The following MACROD1 variants were observed in gnomAD, a reference collection of about 807,000 sequenced individuals.
MACROD1 encodes the protein ADP-ribose glycohydrolase MACROD1.
A neutral mutation model predicts 41.4 loss-of-function variants in MACROD1; 31 were observed. The ratio of observed to expected loss-of-function variants is 0.75; its 90% CI spans 0.56 to 1.01. The LOEUF (loss-of-function observed/expected upper bound fraction) is 1.01. Among genes scored for constraint, MACROD1 ranks in the 50% least tolerant of loss-of-function variants. MACROD1 has a pLI of 0.00. For missense variants in MACROD1, 473 were observed against 460.0 expected, an observed-to-expected ratio of 1.03 and a Z score of -0.26; for synonymous variants, 252 against 203.4, an observed-to-expected ratio of 1.24 and a Z score of -2.03.
At chr11:64,100,135 C>T (rs953636664) in intron 3 of MACROD1, among the ~76,000 whole-genome samples, 1 of 152,184 alleles carries the variant, frequency 6.6e-6, no homozygotes, top group Non-Finnish European at 1.5e-5. Context: ...TCCTCCCTGA[C>T]CTGCTAGCCA....
At chr11:64,060,475 C>T (rs1357908689) in intron 3 of MACROD1, 1 of 152,204 alleles carries the variant, frequency 6.6e-6, no homozygotes, top group Non-Finnish European at 1.5e-5. Flanking sequence ...GGGCTGCCCG[C>T]GACTCCAGGC....
rs565674777 is a variant in MACROD1 at position 64,077,965 on chromosome 11, GGCCTCCTTTCCCCT to G, written c.518-62698_518-62685del. Among the ~76,000 whole-genome samples the G allele has an allele frequency of 6.4e-3, 971 of 152,304 alleles. 11 individuals are homozygous for G. Among genetic ancestry groups the G allele is most frequent in the African/African-American group, 0.023 (937 of 41,568 alleles). On this transcript the variant is annotated intron_variant, in intron 3 of 10. Coordinates refer to ENST00000255681, the MANE Select transcript of MACROD1 (RefSeq NM_014067.4). Reference sequence around the variant, plus strand: ...GCCCTGATGGGCCCGTGCTCAGCCTGGCCTCCTTTCCCCTGCCTCCTCCTCAGCGGGGGTCCCAG... The same window carrying G: ...GCCCTGATGGGCCCGTGCTCAGCCTGGCCTCCTCCTCAGCGGGGGTCCCAG...
chr11:64,028,258 A>G (rs1374671871), intron 3 of MACROD1, among the ~76,000 whole-genome samples: 1 of 152,142 alleles, frequency 6.6e-6, no homozygotes, highest in African/African-American at 2.4e-5. Context: ...GAGGGTCTGG[A>G]GCCGAGGGGG....
At chr11:64,139,498 G>T (rs1437417004) in intron 3 of MACROD1, among the ~76,000 whole-genome samples, 1 of 152,182 alleles carries the variant, frequency 6.6e-6, no homozygotes, top group Non-Finnish European at 1.5e-5. Context: ...AGAGTCCATG[G>T]AGCTGCCCCT....
At position 64,036,483 on chromosome 11, in the gene MACROD1, T is replaced by G. The variant is rs1290208647; in HGVS notation, c.518-21202A>C. 6.6e-6 allele frequency among the ~76,000 whole-genome samples: 1 copy of G among 151,892 alleles called. No homozygotes were observed. Among genetic ancestry groups the G allele is most frequent in the African/African-American group, 2.4e-5 (1 of 41,354 alleles). On this transcript the variant is annotated intron_variant, in intron 3 of 10. Coordinates refer to ENST00000255681, the MANE Select transcript of MACROD1 (RefSeq NM_014067.4). The surrounding 1 kb of genome is among the most constrained non-coding windows in gnomAD (Gnocchi z 5.6). ...CTGGAGCTCTAGTCCAAGCCCTCGC[T>G]GCACCCCCCAGGGAGGGGGCCTGGC... is the stretch of plus-strand genomic sequence containing the variant.
At chr11:64,117,698 G>A in intron 3 of MACROD1, 1 of 1,613,626 alleles carries the variant, frequency 6.2e-7, no homozygotes, top group South Asian at 1.1e-5. Flanking sequence ...GCCCAGCCGT[G>A]GGCTCCATCA....
In MACROD1 at chr11:63,999,357, C is replaced by G. The variant is rs578094918; in HGVS notation, c.865G>C (p.Glu289Gln). Residue 289 changes from glutamate to glutamine, a missense_variant, in exon 8 of 11, where the codon GAG (glutamate) becomes CAG (glutamine). Transcript: ENST00000255681. ...AAEIVLATLR[E>Q]WLEQHKDKVD... The stretch of plus-strand genomic sequence containing the variant: ...TTGTCCTTGTGCTGCTCCAGCCACT[C>G]TCGCAGCGTGGCCAGCACGATCTCG... The G allele has an allele frequency of 6.3e-7, 1 of 1,590,430 alleles. No individual in the cohort carries two copies.
rs780122945 is a variant in MACROD1 at position 64,000,207 on chromosome 11, G to A, written c.664+20C>T. On this transcript the variant is annotated intron_variant, in intron 5 of 10. Transcript: ENST00000255681. ...GCGCCCTGTCTGCGCCCCACAGCTG[G>A]GGGCGCGTCGGGGACTCACACTTGG... 1 of 1,594,762 alleles carries A rather than the reference G, an allele frequency of 6.3e-7. No homozygotes were observed. The highest frequency in any genetic ancestry group is 8.5e-7 in the Non-Finnish European group (1 of 1,169,630).
chr11:64,093,253 T>C (rs1417412160), intron 3 of MACROD1, among the ~76,000 whole-genome samples: 1 of 152,244 alleles, frequency 6.6e-6, no homozygotes, highest in African/African-American at 2.4e-5. Flanking sequence ...ATTATCCACA[T>C]CAACATCTCA....
intron 4 of MACROD1, among the ~76,000 whole-genome samples, chr11:64,014,674 G>C (rs924445311): frequency 6.6e-6 from 1 of 152,196 alleles, no homozygotes; most frequent in African/African-American, 2.4e-5. Context: ...ACAGGGACAC[G>C]CCCGCTTGGT....
At chr11:64,034,589 G>T (rs1383908616) in intron 3 of MACROD1, among the ~76,000 whole-genome samples, 1 of 152,292 alleles carries the variant, frequency 6.6e-6, no homozygotes, top group African/African-American at 2.4e-5. Context: ...GTCTGTTCCC[G>T]GACTGGGCGC....
intron 3 of MACROD1, chr11:64,103,338 T>C (rs651855): frequency 0.47 from 71,553 of 151,986 alleles, 17,615 homozygotes; most frequent in African/African-American, 0.61. Context: ...CTGAGGCCCT[T>C]GCCCCCCAAG....
At chr11:64,038,937 G>A (rs763881743) in intron 3 of MACROD1, among the ~76,000 whole-genome samples, 5 of 152,192 alleles carry the variant, frequency 3.3e-5, no homozygotes, top group African/African-American at 9.6e-5. Flanking sequence ...AGGCACCCAC[G>A]TTGAGAGGAT....
chr11:64,057,961 C>T (rs765778754), intron 3 of MACROD1, among the ~76,000 whole-genome samples: 4 of 152,346 alleles, frequency 2.6e-5, no homozygotes, highest in African/African-American at 2.4e-5. Flanking sequence ...CCCAAGACAA[C>T]GCTGCCACTG....
intron 3 of MACROD1, 36 bp downstream of exon 3, chr11:64,151,203 C>A (rs777421885): frequency 6.4e-7 from 1 of 1,557,312 alleles, no homozygotes; most frequent in Non-Finnish European, 8.8e-7. Context: ...GGCAACAGGG[C>A]GGCCACCAGG....
chr11:64,136,945 G>A (rs555333137), intron 3 of MACROD1, among the ~76,000 whole-genome samples: 1 of 152,356 alleles, frequency 6.6e-6, no homozygotes, highest in East Asian at 1.9e-4. Flanking sequence ...CGGGGCTGGA[G>A]TGGGCATCTC....
intron 3 of MACROD1, among the ~76,000 whole-genome samples, chr11:64,051,866 C>T (rs1238093592): frequency 6.6e-6 from 1 of 151,762 alleles, no homozygotes; most frequent in Non-Finnish European, 1.5e-5. Flanking sequence ...GGGCCATGGC[C>T]GTCCCATCGT....
intron 3 of MACROD1, among the ~76,000 whole-genome samples, chr11:64,098,237 C>A (rs1344484786): frequency 6.6e-6 from 1 of 152,220 alleles, no homozygotes. Flanking sequence ...CCAGGCCCCT[C>A]AGTGCAGCAT....
intron 3 of MACROD1, among the ~76,000 whole-genome samples, chr11:64,035,377 A>G (rs1943353322): frequency 6.6e-6 from 1 of 152,102 alleles, no homozygotes; most frequent in Admixed American, 6.5e-5. Context: ...TTGTGAATGA[A>G]TGCACGGGTG....
Sources: allele counts gnomAD v4.1 joint callset (sites outside exome capture counted in the v4.1 genomes callset), GRCh38; gene constraint gnomAD v4.1.1; non-coding constraint Gnocchi (gnomAD v3.1); transcripts MANE v1.5; gene names NCBI Gene and HGNC (gene_info 2026-07-23, HGNC 2026-07-21).